The following PVT1 variants were observed in gnomAD, a reference collection of about 807,000 sequenced individuals.
PVT1 encodes the protein CXCR4/PVT1 fusion.
At chr8:127,949,280 C>A (rs1386528678) in intron 3 of PVT1, among the ~76,000 whole-genome samples, 1 of 152,082 alleles carries the variant, frequency 6.6e-6, no homozygotes, top group East Asian at 1.9e-4. Context: ...AAGGGCCCAC[C>A]CAGTAGTGCC....
At chr8:128,031,598 T>A (rs1020809670) in intron 4 of PVT1, among the ~76,000 whole-genome samples, 1 of 152,174 alleles carries the variant, frequency 6.6e-6, no homozygotes, top group African/African-American at 2.4e-5. Flanking sequence ...GTCGATAAGT[T>A]AAAGTGCCTA....
In PVT1 at chr8:127,971,631, G is replaced by A. The variant is rs531706952; in HGVS notation, n.783-17531G>A. Among the ~76,000 whole-genome samples the A allele has an allele frequency of 2.6e-5, 4 of 152,282 alleles. No individual in the cohort carries two copies. In the East Asian group the frequency reaches 7.7e-4, roughly 29 times the overall value. Reference sequence around the variant, plus strand: ...GAGCAGCCCAGCCTCTGGAACCCATGCCAGGCCACGAGTTCCAGTCTGCTA... The same window carrying A: ...GAGCAGCCCAGCCTCTGGAACCCATACCAGGCCACGAGTTCCAGTCTGCTA... On this transcript the variant is annotated intron_variant and non_coding_transcript_variant, in intron 3 of 10. Coordinates refer to ENST00000651587, the Ensembl canonical transcript of PVT1.
chr8:127,880,123 A>G (rs966096625), intron 2 of PVT1, among the ~76,000 whole-genome samples: 5 of 152,210 alleles, frequency 3.3e-5, no homozygotes, highest in African/African-American at 9.6e-5. Context: ...GTCCTCGCTT[A>G]TGGACATGTC....
At chr8:128,060,953 A>C (rs1586502914) in intron 4 of PVT1, among the ~76,000 whole-genome samples, 1 of 125,704 alleles carries the variant, frequency 8.0e-6, no homozygotes, top group African/African-American at 3.2e-5. Context: ...TCTGTCACCC[A>C]GGCTGTAGTG....
At chr8:127,802,857 C>T (rs1407595981) in intron 2 of PVT1, among the ~76,000 whole-genome samples, 2 of 152,240 alleles carry the variant, frequency 1.3e-5, no homozygotes, top group African/African-American at 4.8e-5. Flanking sequence ...AATGGGACCA[C>T]AGCCAACCAG....
intron 4 of PVT1, among the ~76,000 whole-genome samples, chr8:128,003,161 C>T (rs1339556242): frequency 7.8e-6 from 1 of 128,042 alleles, no homozygotes; most frequent in Middle Eastern, 4.5e-3. Flanking sequence ...ACCACCACAC[C>T]TTTTTTTTTT....
chr8:127,989,481 T>C (rs1480143436), intron 4 of PVT1, among the ~76,000 whole-genome samples: 1 of 152,116 alleles, frequency 6.6e-6, no homozygotes, highest in Non-Finnish European at 1.5e-5. Flanking sequence ...AGTCCACTTA[T>C]TCATTGTGCC....
Position 127,967,261 on chromosome 8 carries a change from G to T in PVT1, n.783-21901G>T, listed in dbSNP as rs969736972. On this transcript the variant is annotated intron_variant and non_coding_transcript_variant, in intron 3 of 10. Transcript: ENST00000651587. ...ACCTGACCCGGGATCTCTCCTGGAA[G>T]ATGAAGAATGAACTGGGCAGTGAAG... 4.6e-5 allele frequency among the ~76,000 whole-genome samples: 7 copies of T among 152,188 alleles called. No individual in the cohort carries two copies. The South Asian group carries it at 6.2e-4, about 14-fold the overall frequency.
In PVT1 at chr8:127,857,828, CGAAT is replaced by C. The variant is rs574052143; in HGVS notation, n.373-32751_373-32748del. On this transcript the variant is annotated intron_variant and non_coding_transcript_variant, in intron 2 of 10. Coordinates refer to ENST00000651587, the Ensembl canonical transcript of PVT1. ...TGGGAGAAGTTTCATAAATATTGGT[CGAAT>C]GAATGAATGGATATTAAATCATTTG... is the stretch of plus-strand genomic sequence containing the variant. 2.0e-3 allele frequency among the ~76,000 whole-genome samples: 310 copies of C among 152,288 alleles called. 1 individual carries two copies. Among genetic ancestry groups the C allele is most frequent in the African/African-American group, 6.9e-3 (286 of 41,556 alleles).
At chr8:128,055,186 C>T (rs1342631468) in intron 4 of PVT1, among the ~76,000 whole-genome samples, 2 of 135,214 alleles carry the variant, frequency 1.5e-5, no homozygotes, top group Non-Finnish European at 3.2e-5. Context: ...CACACACCCA[C>T]ATACACACAC....
intron 2 of PVT1, among the ~76,000 whole-genome samples, chr8:127,854,197 G>T (rs1815138063): frequency 6.6e-6 from 1 of 152,248 alleles, no homozygotes; most frequent in Non-Finnish European, 1.5e-5. Flanking sequence ...GGTAGATCAT[G>T]TAGCACTGCT....
At chr8:127,915,040 G>A (rs1025735977) in intron 3 of PVT1, among the ~76,000 whole-genome samples, 1 of 151,876 alleles carries the variant, frequency 6.6e-6, no homozygotes, top group Non-Finnish European at 1.5e-5. Flanking sequence ...GGCCAGGCTG[G>A]TCTCAAACTC....
chr8:128,045,571 G>C (rs1476888946), intron 4 of PVT1, among the ~76,000 whole-genome samples: 1 of 152,152 alleles, frequency 6.6e-6, no homozygotes, highest in African/African-American at 2.4e-5. Flanking sequence ...TTTTCCACAA[G>C]AGTTACCCAC....
intron 2 of PVT1, among the ~76,000 whole-genome samples, chr8:127,888,554 C>A (rs548871850): frequency 6.6e-6 from 1 of 152,186 alleles, no homozygotes; most frequent in African/African-American, 2.4e-5. Context: ...CTGAGGTGGA[C>A]GGATGATTTT....
intron 4 of PVT1, among the ~76,000 whole-genome samples, chr8:128,066,605 G>A (rs1211416890): frequency 1.3e-5 from 2 of 152,204 alleles, no homozygotes; most frequent in African/African-American, 4.8e-5. Flanking sequence ...GGCCCTGAAT[G>A]GGAAACAACT....
At chr8:127,856,058 C>T (rs968017926) in intron 2 of PVT1, among the ~76,000 whole-genome samples, 1 of 152,202 alleles carries the variant, frequency 6.6e-6, no homozygotes, top group African/African-American at 2.4e-5. Flanking sequence ...ACATCTTTAT[C>T]AAAAGTAGAG....
intron 2 of PVT1, among the ~76,000 whole-genome samples, chr8:127,807,161 C>T (rs906930745): frequency 9.2e-5 from 14 of 152,150 alleles, no homozygotes; most frequent in African/African-American, 3.1e-4. Flanking sequence ...ATTCACAGTT[C>T]GTGCTGTATG....
rs1352578695 is a variant in PVT1 at position 127,997,054 on chromosome 8, TTTGTTTGTTTG to T, written n.912+7766_912+7776del. Among the ~76,000 whole-genome samples, 13 of 133,558 alleles carry T rather than the reference TTTGTTTGTTTG, an allele frequency of 9.7e-5. 2 individuals are homozygous for T. The highest frequency in any genetic ancestry group is 1.7e-4 in the African/African-American group (6 of 36,168). 87.6% of individuals were successfully genotyped at this position (133,558 alleles called of 152,430 possible). A position where few individuals can be genotyped will look rare whatever the true frequency, so the allele number is the denominator to read the frequency against. ...TGGTCATTTGCTTTCGTTTTTTTTT[TTTGTTTGTTTG>T]TTTTTTGATACAGAGTTTCACTCTT... is the stretch of plus-strand genomic sequence containing the variant. On this transcript the variant is annotated intron_variant and non_coding_transcript_variant, in intron 4 of 10. Coordinates refer to ENST00000651587, the Ensembl canonical transcript of PVT1.
chr8:127,921,791 T>G (rs1186311332), intron 3 of PVT1, among the ~76,000 whole-genome samples: 4 of 144,136 alleles, frequency 2.8e-5, no homozygotes, highest in Non-Finnish European at 6.0e-5. Flanking sequence ...CCAGCCTGGG[T>G]GAGACTGCGA....
Sources: allele counts gnomAD v4.1 joint callset (sites outside exome capture counted in the v4.1 genomes callset), GRCh38; gene constraint gnomAD v4.1.1; transcripts MANE v1.5; gene names NCBI Gene and HGNC (gene_info 2026-07-23, HGNC 2026-07-21).